Variants in ARHGEF11 observed in about 807,000 individuals in gnomAD.
ARHGEF11 encodes the protein Rho guanine nucleotide exchange factor 11, also known as Rho guanine exchange factor (GEF) 11.
ARHGEF11 carries 55 observed loss-of-function variants against 193.7 expected under a neutral mutation model. That is an observed-to-expected ratio of 0.28 (90% CI 0.23 to 0.36). The LOEUF (loss-of-function observed/expected upper bound fraction) is 0.36. Ranked by LOEUF, ARHGEF11 falls within the 10% of genes least tolerant of loss-of-function variation. The pLI is 1.00. For synonymous variants in ARHGEF11, 693 were observed against 768.0 expected (o/e 0.90, Z 1.62); for missense variants, 1,723 against 2,005.6 (o/e 0.86, Z 2.69).
rs1249891747 is a variant in ARHGEF11, at chr1:156,939,871, G to T, written c.3773C>A (p.Pro1258Gln). Reference protein sequence around the residue: ...LRHLILWSLLPGHTMETQAAQ... With the variant: ...LRHLILWSLLQGHTMETQAAQ... ...AGCCTGAGTTTCCATGGTGTGACCT[G>T]GCAGCAGGCTCCACAGGATCAGATG... Residue 1258 changes from proline (P) to glutamine (Q), a missense_variant, in exon 37 of 41, where the codon CCA becomes CAA. Pro to Gln is a moderately conservative substitution (Grantham distance 76). Around this residue, in one of 5 missense-constraint regions of ARHGEF11, gnomAD observed 203 missense variants for 237.3 expected, o/e 0.86. Coordinates refer to ENST00000368194, the MANE Select transcript of ARHGEF11 (RefSeq NM_198236.3). 1 of 1,609,816 alleles carries T rather than the reference G, an allele frequency of 6.2e-7. No homozygotes were observed. The highest frequency in any genetic ancestry group is 1.3e-5 in the African/African-American group (1 of 75,024).
In ARHGEF11 at chr1:156,968,119, C is replaced by T; in HGVS notation, c.831G>A (p.Leu277=). The T allele has an allele frequency of 6.2e-7, 1 of 1,607,130 alleles. No individual in the cohort carries two copies. Among genetic ancestry groups the T allele is most frequent in the East Asian group, 2.2e-5 (1 of 44,712 alleles). ...CTGACAGTACCGAGTTCCGATTCAT[C>T]AATGACTAGAGAAACAAAGAATTCT... The part of the protein sequence containing the change: ...TERFPSLSES[L]MNRNSVLSDP... Residue 277 remains leucine, a synonymous_variant, in exon 11 of 41, where the codon TTG becomes TTA. Transcript: ENST00000368194.
intron 1 of ARHGEF11, among the ~76,000 whole-genome samples, chr1:157,010,574 TA>T (rs1668423180): frequency 9.0e-6 from 1 of 111,480 alleles, no homozygotes; most frequent in Non-Finnish European, 1.9e-5. Flanking sequence ...GGCTAATTTT[TA>T]TTTTTAAATT....
Position 156,953,690 on chromosome 1 carries a change from C to CTA in ARHGEF11, c.1798+1200_1798+1201dup, listed in dbSNP as rs1289044476. Among the ~76,000 whole-genome samples, 142 of 151,974 alleles carry CTA rather than the reference C, an allele frequency of 9.3e-4. 1 individual carries two copies. Among genetic ancestry groups the CTA allele is most frequent in the Non-Finnish European group, 1.5e-3 (102 of 68,004 alleles). On this transcript the variant is annotated intron_variant, in intron 21 of 40. Transcript: ENST00000368194. ...CCCATTGCTGTCTCTCTCTCTCTCTCTATATATATTTATTGTAGAACCTAG... is the reference window on the plus strand; with the variant it reads ...CCCATTGCTGTCTCTCTCTCTCTCTCTATATATATATTTATTGTAGAACCTAG...
chr1:157,024,842 G>C (rs999265987), intron 1 of ARHGEF11, among the ~76,000 whole-genome samples: 3 of 151,862 alleles, frequency 2.0e-5, no homozygotes, highest in African/African-American at 7.3e-5. Context: ...ATCATCTCTT[G>C]ACTAGACTAC....
chr1:156,985,870 C>A, intron 2 of ARHGEF11: 1 of 475,540 alleles, frequency 2.1e-6, no homozygotes, highest in Non-Finnish European at 3.8e-6. Flanking sequence ...TGGGTCAGTT[C>A]ACCTCTCCTT....
chr1:157,035,401 CTT>C (rs113951875), intron 1 of ARHGEF11, among the ~76,000 whole-genome samples: 3 of 142,526 alleles, frequency 2.1e-5, no homozygotes, highest in Admixed American at 1.4e-4. Flanking sequence ...TCACAAAATG[CTT>C]TTTTTTTTTT....
rs945508 is a variant in ARHGEF11, at chr1:156,937,289, T to C, written c.4400A>G (p.His1467Arg). The C allele has an allele frequency of 0.58, 938,625 of 1,613,742 alleles. 280,324 individuals carry two copies. The highest frequency in any genetic ancestry group is 0.87 in the East Asian group (38,809 of 44,846). The change falls in exon 39 of 41, where the codon CAT becomes CGT. Residue 1467 changes from histidine to arginine, a missense_variant. Coordinates refer to ENST00000368194, the MANE Select transcript of ARHGEF11 (RefSeq NM_198236.3). ...LALRDVGMIF[H>R]TIEQLTLKLN... Reference sequence around the variant, plus strand: ...CTTGAGAGTGAGCTGCTCAATGGTATGGAAGATCATGCCCACGTCCCTGAG... The same window carrying C: ...CTTGAGAGTGAGCTGCTCAATGGTACGGAAGATCATGCCCACGTCCCTGAG...
intron 1 of ARHGEF11, among the ~76,000 whole-genome samples, chr1:157,041,040 C>T (rs1672682619): frequency 6.6e-6 from 1 of 152,264 alleles, no homozygotes. Context: ...ACCACAAACT[C>T]TTGGCTTAAA....
intron 11 of ARHGEF11, among the ~76,000 whole-genome samples, chr1:156,966,206 A>G (rs1661652140): frequency 6.6e-6 from 1 of 152,168 alleles, no homozygotes; most frequent in African/African-American, 2.4e-5. Flanking sequence ...CTCATTATCC[A>G]AATTACTTTA....
chr1:156,990,849 A>G (rs1037804311), intron 1 of ARHGEF11, among the ~76,000 whole-genome samples: 4 of 152,126 alleles, frequency 2.6e-5, no homozygotes, highest in African/African-American at 7.2e-5. Context: ...TACTTCCCCT[A>G]TGCCAGACCT....
At chr1:156,943,065 C>CTTTTTT (rs112741222) in intron 32 of ARHGEF11, among the ~76,000 whole-genome samples, 2,967 of 140,420 alleles carry the variant, frequency 0.021, 72 homozygotes, top group South Asian at 0.052. Flanking sequence ...AGTTATAAAA[C>CTTTTTT]TTTTTTTTTT....
intron 1 of ARHGEF11, among the ~76,000 whole-genome samples, chr1:157,039,420 G>A (rs745671956): frequency 6.6e-6 from 1 of 152,136 alleles, no homozygotes; most frequent in African/African-American, 2.4e-5. Context: ...CATCATCCAC[G>A]TCTACTAACT....
intron 1 of ARHGEF11, among the ~76,000 whole-genome samples, chr1:157,000,975 G>A (rs1667142666): frequency 6.6e-6 from 1 of 152,152 alleles, no homozygotes; most frequent in African/African-American, 2.4e-5. Flanking sequence ...AGACAGGGGA[G>A]GTTATTCCAG....
chr1:156,937,385 T>A lies in ARHGEF11; in HGVS notation c.4304A>T (p.Glu1435Val). Residue 1435 changes from glutamate to valine, a missense_variant, in exon 39 of 41, where the codon GAG becomes GTG. Physicochemically the swap from Glu to Val is moderately radical, Grantham distance 121. Around this residue, in one of 5 missense-constraint regions of ARHGEF11, gnomAD observed 360 missense variants for 344.4 expected, o/e 1.05. Transcript: ENST00000368194. ...QPDSLPAGQT[E>V]PQPQLQGGND... ...GCCTCCCTGCAGCTGAGGCTGAGGC[T>A]CTGTCTGCCCTGCAGGGAGGCTGTC... The A allele has an allele frequency of 6.2e-7, 1 of 1,607,242 alleles. No homozygotes were observed. Among genetic ancestry groups the A allele is most frequent in the Non-Finnish European group, 8.5e-7 (1 of 1,176,764 alleles).
intron 13 of ARHGEF11, among the ~76,000 whole-genome samples, chr1:156,962,899 A>C (rs1451174001): frequency 3.3e-5 from 5 of 150,894 alleles, no homozygotes; most frequent in Admixed American, 2.0e-4. Context: ...AAAAAAAAAA[A>C]AAAAAAAAAC....
intron 21 of ARHGEF11, among the ~76,000 whole-genome samples, chr1:156,953,071 C>T (rs1035288040): frequency 2.6e-5 from 4 of 152,210 alleles, no homozygotes; most frequent in African/African-American, 7.2e-5. Flanking sequence ...AAAATACAGG[C>T]GTAGCCCTGA....
At position 156,948,817 on chromosome 1, in the gene ARHGEF11, G is replaced by A. The variant is rs559839497; in HGVS notation, c.1926-319C>T. ...ACTCTGAGTTGTAGTGTGTCCAGAG[G>A]CCTGAGACACCATGCTTCTGTCAAG... On this transcript the variant is annotated intron_variant, in intron 22 of 40. Transcript: ENST00000368194. The surrounding 1 kb of genome is among the most constrained non-coding windows in gnomAD (Gnocchi z 4.2). 1.0e-5 allele frequency: 10 copies of A among 985,388 alleles called. No homozygotes were observed. In the East Asian group the frequency reaches 5.7e-4, roughly 56 times the overall value. The allele number at this position is 985,388 out of a possible 1,614,324, so 61.0% of individuals were successfully genotyped here. A position where few individuals can be genotyped will look rare whatever the true frequency, so the allele number is the denominator to read the frequency against.
Position 156,948,592 on chromosome 1 carries a change from A to G in ARHGEF11, c.1926-94T>C. Reference sequence around the variant, plus strand: ...TCTTACCTGTGGCTCCATCTCAAAGATGCCTCCGTGCCACAGGTTCTCCTC... The same window carrying G: ...TCTTACCTGTGGCTCCATCTCAAAGGTGCCTCCGTGCCACAGGTTCTCCTC... On this transcript the variant is annotated intron_variant, in intron 22 of 40. Transcript: ENST00000368194. The surrounding 1 kb of genome is among the most constrained non-coding windows in gnomAD (Gnocchi z 4.2). The G allele has an allele frequency of 1.2e-6, 2 of 1,608,710 alleles. No individual in the cohort carries two copies. Among genetic ancestry groups the G allele is most frequent in the South Asian group, 2.2e-5 (2 of 90,214 alleles).
At chr1:156,963,080 T>C in intron 13 of ARHGEF11, 123 bp downstream of exon 13, 3 of 745,900 alleles carry the variant, frequency 4.0e-6, no homozygotes, top group Non-Finnish European at 6.8e-6. Context: ...TTGTCTGTCC[T>C]TGAAATGCCT....
Sources: allele counts gnomAD v4.1 joint callset (sites outside exome capture counted in the v4.1 genomes callset), GRCh38; gene constraint gnomAD v4.1.1; regional missense constraint gnomAD v4.1.1; non-coding constraint Gnocchi (gnomAD v3.1); transcripts MANE v1.5; gene names NCBI Gene and HGNC (gene_info 2026-07-23, HGNC 2026-07-21).